Variants in PXK observed in about 807,000 individuals in gnomAD.
PXK encodes PX domain-containing protein kinase-like protein.
In PXK, 35 loss-of-function variants were observed where a neutral mutation model predicts 84.7. The ratio of observed to expected loss-of-function variants is 0.41; its 90% CI spans 0.32 to 0.55. The LOEUF (loss-of-function observed/expected upper bound fraction) is 0.55. Among genes scored for constraint, PXK ranks in the 20% least tolerant of loss-of-function variants. The probability of loss-of-function intolerance (pLI) is 0.21; values close to 1 mark genes in which losing one functional copy is unlikely to be tolerated. For synonymous variants in PXK, 253 were observed against 260.8 expected, an observed-to-expected ratio of 0.97 and a Z score of 0.29; for missense variants, 634 against 699.7, an observed-to-expected ratio of 0.91 and a Z score of 1.06.
At chr3:58,415,812 G>A (rs958431689) in intron 17 of PXK, among the ~76,000 whole-genome samples, 2 of 152,158 alleles carry the variant, frequency 1.3e-5, no homozygotes, top group African/African-American at 4.8e-5. Context: ...GATTTTTAAC[G>A]GTGGGGTAAA....
chr3:58,359,853 G>A (rs1207668462), intron 1 of PXK, among the ~76,000 whole-genome samples: 1 of 152,060 alleles, frequency 6.6e-6, no homozygotes, highest in African/African-American at 2.4e-5. Context: ...TATTGCTTAA[G>A]AGATTTGCCT....
chr3:58,341,426 G>A (rs1165086064), intron 1 of PXK, among the ~76,000 whole-genome samples: 2 of 152,034 alleles, frequency 1.3e-5, no homozygotes, highest in East Asian at 3.9e-4. Context: ...GCTGAGAGTG[G>A]TAGTGCACGC....
chr3:58,422,955 G>A, intron 17 of PXK: 1 of 985,404 alleles, frequency 1.0e-6, no homozygotes, highest in Non-Finnish European at 1.2e-6. Context: ...ACACTACGTG[G>A]CCCTGAATAT....
intron 1 of PXK, among the ~76,000 whole-genome samples, chr3:58,352,896 A>G (rs2108086097): frequency 6.6e-6 from 1 of 152,330 alleles, no homozygotes; most frequent in African/African-American, 2.4e-5. Context: ...GAAGAGAAGC[A>G]TGCATGATCA....
intron 1 of PXK, among the ~76,000 whole-genome samples, chr3:58,350,677 G>C (rs954759053): frequency 2.0e-5 from 3 of 152,154 alleles, no homozygotes; most frequent in Admixed American, 6.5e-5. Context: ...AAGAGATGTA[G>C]TGACGCCTCC....
chr3:58,422,328 T>C (rs1228676194), intron 17 of PXK: 1 of 985,234 alleles, frequency 1.0e-6, no homozygotes. Flanking sequence ...TTGCCCTGGT[T>C]GTACATAAGA....
intron 1 of PXK, among the ~76,000 whole-genome samples, chr3:58,353,992 T>G (rs2098005565): frequency 6.6e-6 from 1 of 152,116 alleles, no homozygotes; most frequent in Admixed American, 6.6e-5. Context: ...TTTTCAGCAT[T>G]CTTTTCAGGC....
At chr3:58,353,689 A>G (rs1442541728) in intron 1 of PXK, among the ~76,000 whole-genome samples, 1 of 152,186 alleles carries the variant, frequency 6.6e-6, no homozygotes, top group African/African-American at 2.4e-5. Flanking sequence ...GTCCTCTAGG[A>G]TGATGTGGAC....
rs2108579965 is a variant in PXK at position 58,373,185 on chromosome 3, C to T, written c.201+3707C>T. ...CTCCACCTCCCAGGTTCACGCCATT[C>T]TCCTGCCTCAGCCTCCTGAGTAGCT... On this transcript the variant is annotated intron_variant, in intron 3 of 17. Coordinates refer to ENST00000356151, the MANE Select transcript of PXK (RefSeq NM_017771.5). Among the ~76,000 whole-genome samples, 2 of 151,198 alleles carry T rather than the reference C, an allele frequency of 1.3e-5. 1 individual carries two copies. Among genetic ancestry groups the T allele is most frequent in the South Asian group, 4.2e-4 (2 of 4,786 alleles).
Position 58,421,769 on chromosome 3 carries a change from T to A in PXK, c.1529-2983T>A. ...TTGGTGGAGAAGATTTTGGGGTGGG[T>A]AGAGTAAGTAGTTGGCTCTCAGGGA... On this transcript the variant is annotated intron_variant, in intron 17 of 17. Transcript: ENST00000356151. The surrounding 1 kb of genome is among the most constrained non-coding windows in gnomAD (Gnocchi z 5.5). 1 of 985,324 alleles carries A rather than the reference T, an allele frequency of 1.0e-6. No homozygotes were observed. The highest frequency in any genetic ancestry group is 1.2e-6 in the Non-Finnish European group (1 of 829,920). 61.0% of individuals were successfully genotyped at this position (985,324 alleles called of 1,614,324 possible).
At position 58,390,450 on chromosome 3, in the gene PXK, AT is replaced by A. The variant is rs531766666; in HGVS notation, c.389-122del. ...GTGTGTATTTTCTTTCTTTATTATT[AT>A]TTTTTTTTTGGTAATTAAGTTTTTT... is the stretch of plus-strand genomic sequence containing the variant. On this transcript the variant is annotated intron_variant, in intron 4 of 17. Coordinates refer to ENST00000356151, the MANE Select transcript of PXK (RefSeq NM_017771.5). The surrounding 1 kb of genome is among the most constrained non-coding windows in gnomAD (Gnocchi z 4.2). 4,022 of 422,572 alleles carry A rather than the reference AT, an allele frequency of 9.5e-3. 22 individuals are homozygous for A. The highest frequency in any genetic ancestry group is 0.023 in the Middle Eastern group (36 of 1,578). 26.2% of individuals were successfully genotyped at this position (422,572 alleles called of 1,614,324 possible). A position where few individuals can be genotyped will look rare whatever the true frequency, so the allele number is the denominator to read the frequency against.
chr3:58,403,802 TC>T (rs1475544608), intron 12 of PXK, 59 bp from the exon 13 acceptor site: 1 of 1,160,166 alleles, frequency 8.6e-7, no homozygotes, highest in Non-Finnish European at 1.2e-6. Context: ...TCTGCTTTCA[TC>T]CTAGTCTGAG....
At position 58,401,565 on chromosome 3, in the gene PXK, G is replaced by A. The variant is rs549005207; in HGVS notation, c.1181+2188G>A. 2.5e-4 allele frequency among the ~76,000 whole-genome samples: 38 copies of A among 152,260 alleles called. 1 individual carries two copies. The highest frequency in any genetic ancestry group is 8.7e-4 in the African/African-American group (36 of 41,558). ...CGCTTGAGCCTAGGAATTTGAGGTT[G>A]CAGTGAGCTGTGAACTCACCACTGC... is the stretch of plus-strand genomic sequence containing the variant. On this transcript the variant is annotated intron_variant, in intron 12 of 17. Coordinates refer to ENST00000356151, the MANE Select transcript of PXK (RefSeq NM_017771.5). The surrounding 1 kb of genome is among the most constrained non-coding windows in gnomAD (Gnocchi z 4.4).
chr3:58,395,150 A>G (rs745380229), intron 8 of PXK, 48 bp downstream of exon 8: 7 of 1,383,374 alleles, frequency 5.1e-6, no homozygotes, highest in East Asian at 4.6e-5. Flanking sequence ...GTTCCTTTAG[A>G]ACCTGTTATT....
chr3:58,338,602 G>T (rs1285938583), intron 1 of PXK, among the ~76,000 whole-genome samples: 1 of 151,712 alleles, frequency 6.6e-6, no homozygotes, highest in Non-Finnish European at 1.5e-5. Flanking sequence ...CAGCCTGGGC[G>T]ACAGAGCAAG....
At chr3:58,378,512 T>TTTGTGTGTG (rs763961222) in intron 3 of PXK, among the ~76,000 whole-genome samples, 2 of 29,094 alleles carry the variant, frequency 6.9e-5, no homozygotes, top group African/African-American at 1.3e-4. Context: ...TTTTTTTTTT[T>TTTGTGTGTG]TGTGTGTGTG....
rs1224429840 is a variant in PXK, at chr3:58,395,087, G to A, written c.705G>A (p.Lys235=). 1.9e-6 allele frequency: 3 copies of A among 1,610,350 alleles called. No individual in the cohort carries two copies. The highest frequency in any genetic ancestry group is 2.5e-6 in the Non-Finnish European group (3 of 1,176,682). Residue 235 remains lysine (K), a synonymous_variant, in exon 8 of 18, where the codon AAG becomes AAA. Transcript: ENST00000356151. The part of the protein sequence containing the change: ...IRMFNEKGTL[K]DLIYKAKPKD... ...TGTTTAACGAAAAGGGAACATTGAA[G>A]GATCTGATCTACAAGGTACCTGTGC...
chr3:58,359,967 C>G (rs2098153339), intron 1 of PXK, among the ~76,000 whole-genome samples: 1 of 152,026 alleles, frequency 6.6e-6, no homozygotes, highest in African/African-American at 2.4e-5. Context: ...GAGCAACATA[C>G]TGAGACCCCG....
rs1242136313 is a variant in PXK at position 58,390,908 on chromosome 3, ACTACAT to A, written c.467-235_467-230del. Among the ~76,000 whole-genome samples, 1 of 152,208 alleles carries A rather than the reference ACTACAT, an allele frequency of 6.6e-6. No individual in the cohort carries two copies. Among genetic ancestry groups the A allele is most frequent in the Non-Finnish European group, 1.5e-5 (1 of 68,034 alleles). Reference sequence around the variant, plus strand: ...CATTCCTTCTTCATCTATCTTTTTCACTACATCTAAACTGAAGTGCTACTTTCCTGC... The same window carrying A: ...CATTCCTTCTTCATCTATCTTTTTCACTAAACTGAAGTGCTACTTTCCTGC... On this transcript the variant is annotated intron_variant, in intron 5 of 17. Transcript: ENST00000356151. This position sits in a 1 kb window ranked among gnomAD's most constrained non-coding sequence, Gnocchi z 4.2.
Sources: gnomAD v4.1 joint callset for allele counts (sites outside exome capture counted in the v4.1 genomes callset) on GRCh38, gnomAD v4.1.1 for gene constraint, Gnocchi (gnomAD v3.1) non-coding constraint, MANE v1.5 for transcripts, NCBI Gene and HGNC (gene_info 2026-07-23, HGNC 2026-07-21) for gene names.